The following FKBP5 variants were observed in gnomAD, a reference collection of about 807,000 sequenced individuals.
FKBP5 encodes peptidyl-prolyl cis-trans isomerase FKBP5.
A neutral mutation model predicts 50.5 loss-of-function variants in FKBP5; 23 were observed. The ratio of observed to expected loss-of-function variants is 0.46; its 90% confidence interval spans 0.33 to 0.65. The LOEUF (loss-of-function observed/expected upper bound fraction) is 0.65, where lower values mean the gene tolerates loss of function less well. Ranked by LOEUF, FKBP5 falls within the 30% of genes least tolerant of loss-of-function variation. The pLI is 0.02. For missense variants in FKBP5, 411 were observed against 553.1 expected (o/e 0.74, Z 2.58); for synonymous variants, 176 against 190.6 (o/e 0.92, Z 0.63).
intron 1 of FKBP5, among the ~76,000 whole-genome samples, chr6:35,727,881 A>G (rs1178872997): frequency 6.6e-6 from 1 of 152,146 alleles, no homozygotes; most frequent in Admixed American, 6.5e-5. Flanking sequence ...AGCCTGGGGT[A>G]CCCAAGCAGG....
At chr6:35,706,975 C>T (rs1274663201) in intron 2 of FKBP5, among the ~76,000 whole-genome samples, 2 of 152,064 alleles carry the variant, frequency 1.3e-5, no homozygotes, top group Non-Finnish European at 2.9e-5. Flanking sequence ...AATGGATACT[C>T]CCACTTCTAC....
At position 35,646,391 on chromosome 6, in the gene FKBP5, TAAAAACAACAA is replaced by T. The variant is rs200727986; in HGVS notation, c.-19-3559_-19-3549del. Among the ~76,000 whole-genome samples the T allele has an allele frequency of 1.0e-3, 157 of 152,134 alleles. 3 individuals are homozygous for T. In the East Asian group the frequency reaches 0.028, roughly 27 times the overall value. On this transcript the variant is annotated intron_variant, in intron 1 of 10. Transcript: ENST00000357266. ...ACTATGAATAATTAAAACACAAAGA[TAAAAACAACAA>T]GAAAACAAACTTTTGAACTTTCAAA... is the stretch of plus-strand genomic sequence containing the variant.
At chr6:35,717,472 C>G (rs1766532811) in intron 2 of FKBP5, among the ~76,000 whole-genome samples, 1 of 152,238 alleles carries the variant, frequency 6.6e-6, no homozygotes, top group Non-Finnish European at 1.5e-5. Context: ...TGTATGCACG[C>G]ATGTGTCCAC....
intron 3 of FKBP5, among the ~76,000 whole-genome samples, chr6:35,625,148 A>G (rs1445162058): frequency 6.6e-6 from 1 of 152,148 alleles, no homozygotes; most frequent in East Asian, 1.9e-4. Flanking sequence ...CAGTGGCACG[A>G]TCTTGGCTCA....
intron 5 of FKBP5, among the ~76,000 whole-genome samples, chr6:35,601,067 G>A (rs1763131629): frequency 1.3e-5 from 2 of 152,216 alleles, no homozygotes; most frequent in African/African-American, 4.8e-5. Flanking sequence ...ATAAATGACA[G>A]AACTAGTGTC....
At chr6:35,588,956 T>C (rs756775665) in intron 7 of FKBP5, among the ~76,000 whole-genome samples, 2 of 150,930 alleles carry the variant, frequency 1.3e-5, no homozygotes, top group Non-Finnish European at 3.0e-5. Context: ...TTGCCCAAGC[T>C]GGTTTTGAAC....
At chr6:35,692,534 C>T (rs1359935560), upstream of FKBP5, among the ~76,000 whole-genome samples, 4 of 152,068 alleles carry the variant, frequency 2.6e-5, no homozygotes, top group East Asian at 5.8e-4. Context: ...CGTGGTGGTT[C>T]ATGCCTATAA....
rs1337821220 is a variant in FKBP5, at chr6:35,683,118, ATATGTGTGTGTGTGTGTG to A, written c.-20+5668_-20+5685del. On this transcript the variant is annotated intron_variant, in intron 1 of 10. Transcript: ENST00000357266. Reference sequence around the variant, plus strand: ...AAAGTGTGTGTGTATATATATACGTATATGTGTGTGTGTGTGTGTGTGTGTGTGTGTGTGTGTGTGTGT... The same window carrying A: ...AAAGTGTGTGTGTATATATATACGTATGTGTGTGTGTGTGTGTGTGTGTGT... Among the ~76,000 whole-genome samples the A allele has an allele frequency of 1.3e-3, 139 of 108,848 alleles. 5 individuals carry two copies. The highest frequency in any genetic ancestry group is 4.2e-3 in the South Asian group (13 of 3,118). 71.4% of individuals were successfully genotyped at this position (108,848 alleles called of 152,430 possible).
chr6:35,643,770 C>T (rs1487519453), intron 1 of FKBP5, among the ~76,000 whole-genome samples: 1 of 152,132 alleles, frequency 6.6e-6, no homozygotes, highest in African/African-American at 2.4e-5. Context: ...GCCATTTTGC[C>T]CTTTTACGTA....
chr6:35,650,977 A>G (rs1764782461), intron 1 of FKBP5, among the ~76,000 whole-genome samples: 1 of 152,138 alleles, frequency 6.6e-6, no homozygotes, highest in African/African-American at 2.4e-5. Flanking sequence ...ACTAATATGG[A>G]GCAGGTGACG....
chr6:35,596,186 C>G (rs1318879155), intron 6 of FKBP5, among the ~76,000 whole-genome samples: 1 of 152,018 alleles, frequency 6.6e-6, no homozygotes, highest in Non-Finnish European at 1.5e-5. Context: ...GAAACCTCGT[C>G]TCTACTAGAA....
At position 35,629,831 on chromosome 6, in the gene FKBP5, AAAGT is replaced by A. The variant is rs764919276; in HGVS notation, c.250+7179_250+7182del. 2.6e-5 allele frequency among the ~76,000 whole-genome samples: 4 copies of A among 152,314 alleles called. No homozygotes were observed. The East Asian group carries it at 7.7e-4, about 29-fold the overall frequency. On this transcript the variant is annotated intron_variant, in intron 3 of 10. Transcript: ENST00000357266. ...CTATCGCAAAGTACCAGGAAAAACC[AAAGT>A]AAGTACTTTCTTAAAGTTTGCTGTC...
At chr6:35,712,072 G>A (rs925386387) in intron 2 of FKBP5, among the ~76,000 whole-genome samples, 3 of 149,538 alleles carry the variant, frequency 2.0e-5, no homozygotes, top group South Asian at 2.1e-4. Flanking sequence ...TAGAAACAGC[G>A]TGTCCCTATG....
intron 2 of FKBP5, among the ~76,000 whole-genome samples, chr6:35,714,263 C>T (rs1377161957): frequency 7.0e-6 from 1 of 143,162 alleles, no homozygotes; most frequent in African/African-American, 2.7e-5. Context: ...ACCAGCCTGG[C>T]CAACATGGTG....
At chr6:35,700,458 T>TA (rs1766159893) in intron 2 of FKBP5, among the ~76,000 whole-genome samples, 1 of 152,190 alleles carries the variant, frequency 6.6e-6, no homozygotes, top group African/African-American at 2.4e-5. Context: ...TGAATACCCG[T>TA]AGCCATGGCT....
At chr6:35,679,968 C>G (rs1765624783) in intron 1 of FKBP5, among the ~76,000 whole-genome samples, 1 of 151,878 alleles carries the variant, frequency 6.6e-6, no homozygotes, top group East Asian at 1.9e-4. Context: ...GGTCATATAA[C>G]TTTATTATTT....
chr6:35,587,190 A>G, intron 7 of FKBP5, 73 bp from the exon 8 acceptor site: 2 of 1,338,534 alleles, frequency 1.5e-6, no homozygotes, highest in East Asian at 2.3e-5. Flanking sequence ...TGGAACAAAG[A>G]GCAGCTAATT....
chr6:35,673,101 G>C (rs1026545073), intron 1 of FKBP5, among the ~76,000 whole-genome samples: 2 of 152,136 alleles, frequency 1.3e-5, no homozygotes, highest in African/African-American at 4.8e-5. Flanking sequence ...CCTGTAAAAA[G>C]GGAAGAGAAT....
At chr6:35,680,493 C>T (rs1355071114) in intron 1 of FKBP5, among the ~76,000 whole-genome samples, 2 of 152,148 alleles carry the variant, frequency 1.3e-5, no homozygotes, top group Admixed American at 6.5e-5. Context: ...GTAATGAACA[C>T]ATACTAAAAA....
Sources: allele counts gnomAD v4.1 joint callset (sites outside exome capture counted in the v4.1 genomes callset), GRCh38; gene constraint gnomAD v4.1.1; transcripts MANE v1.5; gene names NCBI Gene and HGNC (gene_info 2026-07-23, HGNC 2026-07-21).